The following XKR4 variants were observed in gnomAD, a reference collection of about 807,000 sequenced individuals.
The protein encoded by XKR4 is XK related 4, also known as XK-related protein 4.
XKR4 carries 12 observed loss-of-function variants against 53.9 expected under a neutral mutation model. The ratio of observed to expected loss-of-function variants is 0.22; its 90% CI spans 0.14 to 0.36. The LOEUF is 0.36. Among genes scored for constraint, XKR4 ranks in the 10% least tolerant of loss-of-function variants. XKR4 has a pLI of 1.00. For synonymous variants in XKR4, 354 were observed against 362.4 expected (o/e 0.98, Z 0.26); for missense variants, 799 against 859.5 (o/e 0.93, Z 0.88).
chr8:55,323,246 A>G (rs1477866142), intron 1 of XKR4, among the ~76,000 whole-genome samples: 4 of 152,192 alleles, frequency 2.6e-5, no homozygotes, highest in African/African-American at 7.2e-5. Flanking sequence ...GTAGAGTTCT[A>G]TGAGTTTTGA....
intron 2 of XKR4, among the ~76,000 whole-genome samples, chr8:55,386,293 G>A (rs1349056790): frequency 1.3e-5 from 2 of 152,180 alleles, no homozygotes; most frequent in Admixed American, 6.5e-5. Flanking sequence ...CTGCATGCAT[G>A]ATATCCACAC....
rs1806929780 is a variant in XKR4, at chr8:55,530,177, AAGGAAGGAAG to A, written c.*5951_*5960del. The A allele has an allele frequency of 1.3e-5, 2 of 150,832 alleles. No individual in the cohort carries two copies. Among genetic ancestry groups the A allele is most frequent in the African/African-American group, 4.9e-5 (2 of 40,970 alleles). The allele number at this position is 150,832 out of a possible 1,614,324, so 9.3% of individuals were successfully genotyped here. ...GAAGGAAGGAAGGAAGGAAGGAAGGAAGGAAGGAAGGAAGGAAGGAAGGAAGGAAGGAGAT... is the reference window on the plus strand; with the variant it reads ...GAAGGAAGGAAGGAAGGAAGGAAGGAGAAGGAAGGAAGGAAGGAAGGAGAT... On this transcript the variant is annotated 3_prime_UTR_variant, in exon 3 of 3. Transcript: ENST00000327381.
At position 55,357,721 on chromosome 8, in the gene XKR4, G is replaced by A; in HGVS notation, c.850G>A (p.Gly284Arg). The A allele has an allele frequency of 6.2e-7, 1 of 1,614,206 alleles. No individual in the cohort carries two copies. The highest frequency in any genetic ancestry group is 1.1e-5 in the South Asian group (1 of 91,082). ...IYLGIRSRQS[G>R]ENDRWRFYWK... is the part of the protein sequence containing the mutation. ...CTTAGGTATTCGAAGCCGACAGAGTGGGGAGAATGACAGATGGAGGTTTTA... is the reference window on the plus strand; with the variant it reads ...CTTAGGTATTCGAAGCCGACAGAGTAGGGAGAATGACAGATGGAGGTTTTA... The change falls in exon 2 of 3, where the codon GGG becomes AGG. Residue 284 changes from glycine (G) to arginine (R), a missense_variant. Physicochemically the swap from Gly to Arg is moderately radical, Grantham distance 125. Coordinates refer to ENST00000327381, the MANE Select transcript of XKR4 (RefSeq NM_052898.2).
At chr8:55,271,954 G>C (rs1212603168) in intron 1 of XKR4, among the ~76,000 whole-genome samples, 2 of 152,144 alleles carry the variant, frequency 1.3e-5, no homozygotes, top group African/African-American at 2.4e-5. Flanking sequence ...TACAGATTGT[G>C]GGTCAAAATT....
intron 1 of XKR4, among the ~76,000 whole-genome samples, chr8:55,200,540 A>T (rs34496951): frequency 0.2 from 30,561 of 152,098 alleles, 3,157 homozygotes; most frequent in Non-Finnish European, 0.22. Flanking sequence ...ATATTAGTAA[A>T]ATGTTTATGG....
chr8:55,208,613 C>T (rs933488261), intron 1 of XKR4, among the ~76,000 whole-genome samples: 4 of 151,788 alleles, frequency 2.6e-5, no homozygotes, highest in African/African-American at 9.7e-5. Context: ...AGTACAGGCG[C>T]CCACCACCAC....
At chr8:55,488,151 G>C (rs1806222215) in intron 2 of XKR4, among the ~76,000 whole-genome samples, 1 of 152,166 alleles carries the variant, frequency 6.6e-6, no homozygotes, top group Non-Finnish European at 1.5e-5. Context: ...AAAAGTCACG[G>C]ACAATGAGTT....
intron 2 of XKR4, among the ~76,000 whole-genome samples, chr8:55,421,199 G>T (rs955914692): frequency 1.3e-5 from 2 of 152,202 alleles, no homozygotes; most frequent in African/African-American, 4.8e-5. Context: ...TTTCACATAT[G>T]TTATCCTCTT....
At chr8:55,438,590 G>GAAACAAA (rs1805213965) in intron 2 of XKR4, among the ~76,000 whole-genome samples, 1 of 100,406 alleles carries the variant, frequency 1.0e-5, no homozygotes, top group Non-Finnish European at 1.9e-5. Context: ...ACTCCATCTT[G>GAAACAAA]AAAAAAAAAA....
intron 1 of XKR4, among the ~76,000 whole-genome samples, chr8:55,241,110 A>G (rs1056066822): frequency 2.0e-5 from 3 of 152,192 alleles, no homozygotes; most frequent in African/African-American, 4.8e-5. Flanking sequence ...AGTGTATTTG[A>G]CTTTGCTTAA....
At chr8:55,521,384 T>G (rs1029239022) in intron 2 of XKR4, among the ~76,000 whole-genome samples, 1 of 152,274 alleles carries the variant, frequency 6.6e-6, no homozygotes, top group African/African-American at 2.4e-5. Context: ...TGTCATTTTT[T>G]AAACTTTTTC....
chr8:55,143,691 T>C (rs1173796975), intron 1 of XKR4, among the ~76,000 whole-genome samples: 1 of 152,196 alleles, frequency 6.6e-6, no homozygotes, highest in Non-Finnish European at 1.5e-5. Flanking sequence ...GTGCCCGTAG[T>C]CACAACATGA....
intron 2 of XKR4, among the ~76,000 whole-genome samples, chr8:55,475,018 A>C (rs1284474202): frequency 6.6e-6 from 1 of 152,172 alleles, no homozygotes; most frequent in Non-Finnish European, 1.5e-5. Context: ...GAGAGACAAA[A>C]TATACTGACA....
intron 1 of XKR4, among the ~76,000 whole-genome samples, chr8:55,106,265 T>C (rs1390384858): frequency 1.3e-5 from 2 of 152,202 alleles, no homozygotes; most frequent in African/African-American, 4.8e-5. Context: ...GAAATAGCCA[T>C]TGAAACATTG....
intron 1 of XKR4, among the ~76,000 whole-genome samples, chr8:55,317,988 C>T (rs765225201): frequency 4.6e-5 from 7 of 152,216 alleles, no homozygotes; most frequent in Non-Finnish European, 7.3e-5. Flanking sequence ...TAGTACCACA[C>T]TGTAATTCAT....
At chr8:55,501,558 TG>T (rs1670355117) in intron 2 of XKR4, among the ~76,000 whole-genome samples, 1 of 152,220 alleles carries the variant, frequency 6.6e-6, no homozygotes, top group Non-Finnish European at 1.5e-5. Flanking sequence ...ATGCCATATT[TG>T]TCTTTTTGTG....
At chr8:55,306,375 G>A (rs966313935) in intron 1 of XKR4, among the ~76,000 whole-genome samples, 2 of 152,184 alleles carry the variant, frequency 1.3e-5, no homozygotes, top group African/African-American at 4.8e-5. Context: ...AGTACAAAAA[G>A]GGTCCATATG....
chr8:55,157,213 G>C (rs992367954), intron 1 of XKR4, among the ~76,000 whole-genome samples: 3 of 152,274 alleles, frequency 2.0e-5, no homozygotes, highest in Non-Finnish European at 4.4e-5. Context: ...ATTATTTATA[G>C]AGATATTTAT....
chr8:55,534,360 ATTCT>A lies in XKR4; in HGVS notation c.*10136_*10139del, dbSNP rs1806997404. On this transcript the variant is annotated 3_prime_UTR_variant, in exon 3 of 3. Transcript: ENST00000327381. ...CGAGCTCAAAGATCACGAATCTGAT[ATTCT>A]TTTTTTTTTTTTTTTTTTTTTTTTT... The A allele has an allele frequency of 2.6e-5, 1 of 38,852 alleles. No homozygotes were observed. The highest frequency in any genetic ancestry group is 7.0e-5 in the African/African-American group (1 of 14,236). The allele number at this position is 38,852 out of a possible 1,614,324, so 2.4% of individuals were successfully genotyped here. A position where few individuals can be genotyped will look rare whatever the true frequency, so the allele number is the denominator to read the frequency against.
Sources: gnomAD v4.1 joint callset for allele counts (sites outside exome capture counted in the v4.1 genomes callset) on GRCh38, gnomAD v4.1.1 for gene constraint, MANE v1.5 for transcripts, NCBI Gene and HGNC (gene_info 2026-07-23, HGNC 2026-07-21) for gene names.